PRUNE2: variants seen among roughly 807,000 people sequenced by gnomAD.
PRUNE2 encodes the protein protein prune homolog 2.
Under a neutral mutation model 252.0 loss-of-function variants are expected in PRUNE2, and 164 were observed. That is an observed-to-expected ratio of 0.65 (90% CI 0.57 to 0.74). The LOEUF (loss-of-function observed/expected upper bound fraction) is 0.74, where lower values mean the gene tolerates loss of function less well. Ranked by LOEUF, PRUNE2 falls within the 30% of genes least tolerant of loss-of-function variation. PRUNE2 has a pLI of 0.00. For missense variants in PRUNE2, 3,495 were observed against 3,711.0 expected, an observed-to-expected ratio of 0.94 and a Z score of 1.51; for synonymous variants, 1,292 against 1,350.2, an observed-to-expected ratio of 0.96 and a Z score of 0.94.
At chr9:76,746,023 T>C (rs544821612) in intron 6 of PRUNE2, among the ~76,000 whole-genome samples, 2 of 152,314 alleles carry the variant, frequency 1.3e-5, no homozygotes, top group South Asian at 2.1e-4. Flanking sequence ...GATGAGACTT[T>C]GCTATGTGCA....
intron 1 of PRUNE2, among the ~76,000 whole-genome samples, chr9:76,857,543 C>T (rs940488543): frequency 6.6e-6 from 1 of 152,152 alleles, no homozygotes; most frequent in African/African-American, 2.4e-5. Flanking sequence ...CCTAAGTGCC[C>T]AATTCCTACC....
In PRUNE2 at chr9:76,676,367, T is replaced by TAA. The variant is rs5898499; in HGVS notation, c.8277-20867_8277-20866dup. On this transcript the variant is annotated intron_variant, in intron 9 of 18. Coordinates refer to ENST00000376718, the MANE Select transcript of PRUNE2 (RefSeq NM_015225.3). ...TGAAACACATTATGGTATTTCAATG[T>TAA]AAAAAAAAATCTAAATGTATTGACA... 2.3e-4 allele frequency among the ~76,000 whole-genome samples: 35 copies of TAA among 150,400 alleles called. 1 individual carries two copies. Among genetic ancestry groups the TAA allele is most frequent in the Non-Finnish European group, 2.8e-4 (19 of 67,610 alleles).
chr9:76,843,213 C>T (rs561135357), intron 4 of PRUNE2, among the ~76,000 whole-genome samples: 1 of 152,224 alleles, frequency 6.6e-6, no homozygotes, highest in African/African-American at 2.4e-5. Flanking sequence ...TCTCAGCAAA[C>T]TAACACGGGA....
At chr9:76,837,441 A>AAATATAATAATAAT (rs147526426) in intron 4 of PRUNE2, among the ~76,000 whole-genome samples, 5 of 134,826 alleles carry the variant, frequency 3.7e-5, no homozygotes, top group Non-Finnish European at 7.9e-5. Context: ...ACTCTGTCTC[A>AAATATAATAATAAT]AATAATAATA....
At position 76,713,729 on chromosome 9, in the gene PRUNE2, G is replaced by A. The variant is rs762763459; in HGVS notation, c.757-8C>T. The stretch of plus-strand genomic sequence containing the variant: ...GCTGTGAAATAGACAATTCTGAAAC[G>A]ACAACAGGAAATTTGATATTAATGT... On this transcript the variant is annotated splice_polypyrimidine_tract_variant and splice_region_variant and intron_variant, in intron 6 of 18. Coordinates refer to ENST00000376718, the MANE Select transcript of PRUNE2 (RefSeq NM_015225.3). 58 of 1,580,104 alleles carry A rather than the reference G, an allele frequency of 3.7e-5. No homozygotes were observed. In the Admixed American group the frequency reaches 5.6e-4, roughly 15 times the overall value.
intron 1 of PRUNE2, among the ~76,000 whole-genome samples, chr9:76,895,730 G>A (rs1433428171): frequency 1.3e-5 from 2 of 152,126 alleles, no homozygotes; most frequent in Admixed American, 1.3e-4. Flanking sequence ...TTATTTACCT[G>A]ACACCAAATG....
chr9:76,798,454 C>T (rs933128435), intron 6 of PRUNE2, among the ~76,000 whole-genome samples: 11 of 152,142 alleles, frequency 7.2e-5, no homozygotes, highest in African/African-American at 2.7e-4. Flanking sequence ...TGTTCTAGCG[C>T]GTGTCAGAAT....
chr9:76,681,856 TA>T (rs900223124), intron 9 of PRUNE2, among the ~76,000 whole-genome samples: 1 of 152,210 alleles, frequency 6.6e-6, no homozygotes, highest in South Asian at 2.1e-4. Flanking sequence ...TAGAGGTTAT[TA>T]AAAAAACTGG....
intron 9 of PRUNE2, among the ~76,000 whole-genome samples, chr9:76,667,707 T>C (rs770707828): frequency 1.7e-4 from 26 of 152,214 alleles, no homozygotes; most frequent in Non-Finnish European, 2.9e-5. Flanking sequence ...CAGTTATATT[T>C]GCTAATCTGC....
At chr9:76,687,086 G>A (rs548182641) in intron 9 of PRUNE2, among the ~76,000 whole-genome samples, 2 of 152,262 alleles carry the variant, frequency 1.3e-5, no homozygotes, top group Admixed American at 1.3e-4. Context: ...AATGTACAAG[G>A]AAAACTTCCC....
At chr9:76,795,751 T>C (rs1480950329) in intron 6 of PRUNE2, among the ~76,000 whole-genome samples, 1 of 152,228 alleles carries the variant, frequency 6.6e-6, no homozygotes, top group Non-Finnish European at 1.5e-5. Flanking sequence ...ATGAATCATG[T>C]AGTCCACCTT....
chr9:76,849,311 A>T (rs2059829711), intron 3 of PRUNE2, among the ~76,000 whole-genome samples: 1 of 152,214 alleles, frequency 6.6e-6, no homozygotes, highest in Non-Finnish European at 1.5e-5. Flanking sequence ...AAAAAAATCA[A>T]TCCTTCTCTT....
chr9:76,792,326 G>T (rs1401695257), intron 6 of PRUNE2, among the ~76,000 whole-genome samples: 1 of 152,170 alleles, frequency 6.6e-6, no homozygotes, highest in Non-Finnish European at 1.5e-5. Flanking sequence ...CACCATGATT[G>T]TGAGGCCTCC....
chr9:76,733,277 C>A (rs11145032), intron 6 of PRUNE2, among the ~76,000 whole-genome samples: 24,171 of 152,198 alleles, frequency 0.16, 2,332 homozygotes, highest in East Asian at 0.49. Flanking sequence ...GCTTCATGGA[C>A]TGAAGTGCTA....
intron 1 of PRUNE2, among the ~76,000 whole-genome samples, chr9:76,900,203 G>A (rs905378647): frequency 6.6e-6 from 1 of 152,212 alleles, no homozygotes; most frequent in Non-Finnish European, 1.5e-5. Context: ...ACCCACCATT[G>A]TTCCAGGTTC....
chr9:76,744,449 C>T (rs867920087), intron 6 of PRUNE2, among the ~76,000 whole-genome samples: 8 of 152,038 alleles, frequency 5.3e-5, no homozygotes, highest in East Asian at 1.9e-4. Context: ...ACCCCAAGGG[C>T]GGGGCTGTCT....
chr9:76,623,623 T>C (rs1320826072), intron 17 of PRUNE2, among the ~76,000 whole-genome samples: 1 of 152,188 alleles, frequency 6.6e-6, no homozygotes, highest in Non-Finnish European at 1.5e-5. Context: ...GGGGCAGAGG[T>C]TAACTTGTAG....
rs1296905826 is a variant in PRUNE2, at chr9:76,705,135, A to G, written c.7139T>C (p.Leu2380Ser). 4 of 1,613,978 alleles carry G rather than the reference A, an allele frequency of 2.5e-6. No homozygotes were observed. In the Admixed American group the frequency reaches 6.7e-5, roughly 27 times the overall value. Reference protein sequence around the residue: ...EHFLYGGDPPLEEDSLKQSLA... With the variant: ...EHFLYGGDPPSEEDSLKQSLA... The stretch of plus-strand genomic sequence containing the variant: ...CGACTGCTTCAGAGAATCTTCCTCC[A>G]AAGGAGGGTCACCACCATACAGGAA... Residue 2380 changes from leucine (L) to serine (S), a missense_variant, in exon 8 of 19, where the codon TTG (leucine) becomes TCG (serine). Leu to Ser is a moderately radical substitution (Grantham distance 145). Coordinates refer to ENST00000376718, the MANE Select transcript of PRUNE2 (RefSeq NM_015225.3).
rs1184553818 is a variant in PRUNE2 at position 76,612,872 on chromosome 9, A to G, written c.*1698T>C. 6.6e-6 allele frequency: 1 copy of G among 152,198 alleles called. No individual in the cohort carries two copies. The highest frequency in any genetic ancestry group is 6.5e-5 in the Admixed American group (1 of 15,282). 9.4% of individuals were successfully genotyped at this position (152,198 alleles called of 1,614,324 possible). A position where few individuals can be genotyped will look rare whatever the true frequency, so the allele number is the denominator to read the frequency against. ...AAGCTCCTTCTACCCAGGACTCCAA[A>G]TATCCTGGACAGCTCTCCCCAATGA... On this transcript the variant is annotated 3_prime_UTR_variant, in exon 19 of 19. Coordinates refer to ENST00000376718, the MANE Select transcript of PRUNE2 (RefSeq NM_015225.3).
Sources: gnomAD v4.1 joint callset for allele counts (sites outside exome capture counted in the v4.1 genomes callset) on GRCh38, gnomAD v4.1.1 for gene constraint, MANE v1.5 for transcripts, NCBI Gene and HGNC (gene_info 2026-07-23, HGNC 2026-07-21) for gene names.